HERC2: variants seen among roughly 807,000 people sequenced by gnomAD.
The protein encoded by HERC2 is E3 ubiquitin-protein ligase HERC2.
In HERC2, 102 loss-of-function variants were observed where a neutral mutation model predicts 537.7. That is an observed-to-expected ratio of 0.19 (90% CI 0.16 to 0.22). The LOEUF (loss-of-function observed/expected upper bound fraction) is 0.22. Among genes scored for constraint, HERC2 ranks in the 10% least tolerant of loss-of-function variants. The probability of loss-of-function intolerance (pLI) is 1.00; values close to 1 mark genes in which losing one functional copy is unlikely to be tolerated. For synonymous variants in HERC2, 2,224 were observed against 2,466.2 expected (o/e 0.90, Z 2.91); for missense variants, 4,236 against 6,198.2 (o/e 0.68, Z 10.63).
intron 64 of HERC2, among the ~76,000 whole-genome samples, chr15:28,175,008 T>C (rs193019282): frequency 4.5e-4 from 68 of 152,214 alleles, no homozygotes; most frequent in Non-Finnish European, 7.1e-4. Flanking sequence ...CTTATAGAAT[T>C]ATAAAGTAAA....
In HERC2 at chr15:28,217,871, G is replaced by A. The variant is rs542935340; in HGVS notation, c.6028+618C>T. On this transcript the variant is annotated intron_variant, in intron 38 of 92. Transcript: ENST00000261609. The stretch of plus-strand genomic sequence containing the variant: ...CTGGAGCTCCCAGAAGCTGGACAAA[G>A]TAAGGAAGGACCTTCCCCTAGAGCC... Among the ~76,000 whole-genome samples, 299 of 152,084 alleles carry A rather than the reference G, an allele frequency of 2.0e-3. 2 individuals are homozygous for A. Among genetic ancestry groups the A allele is most frequent in the Admixed American group, 5.8e-3 (89 of 15,286 alleles).
chr15:28,223,505 G>A (rs151192877), intron 35 of HERC2, among the ~76,000 whole-genome samples: 2,792 of 152,148 alleles, frequency 0.018, 81 homozygotes, highest in African/African-American at 0.064. Context: ...TAGCCTAGCC[G>A]CTACTTTAGG....
chr15:28,184,205 T>A (rs1896085012), intron 56 of HERC2, among the ~76,000 whole-genome samples: 1 of 152,104 alleles, frequency 6.6e-6, no homozygotes, highest in African/African-American at 2.4e-5. Flanking sequence ...TATATATATA[T>A]TTTCCATACA....
At chr15:28,307,959 AG>A (rs1159527257) in intron 2 of HERC2, among the ~76,000 whole-genome samples, 1 of 152,156 alleles carries the variant, frequency 6.6e-6, no homozygotes. Flanking sequence ...ATAGCTCTGT[AG>A]TATAATTTGA....
intron 18 of HERC2, 26 bp from the exon 19 acceptor site, chr15:28,256,022 T>G: frequency 6.2e-7 from 1 of 1,605,218 alleles, no homozygotes; most frequent in South Asian, 1.1e-5. Flanking sequence ...TGTGCCAATT[T>G]GAGTGAAACG....
intron 2 of HERC2, among the ~76,000 whole-genome samples, chr15:28,306,142 G>C (rs1407770078): frequency 2.0e-5 from 3 of 152,194 alleles, no homozygotes; most frequent in Admixed American, 2.0e-4. Context: ...TCCGTGTCTT[G>C]TTCCAGATCT....
chr15:28,243,493 T>C (rs1326631414), intron 23 of HERC2, among the ~76,000 whole-genome samples: 1 of 152,072 alleles, frequency 6.6e-6, no homozygotes, highest in African/African-American at 2.4e-5. Context: ...CAAAAGTTCA[T>C]ATCCCAAATA....
chr15:28,216,555 C>T (rs1358573946), intron 38 of HERC2, among the ~76,000 whole-genome samples: 18 of 148,814 alleles, frequency 1.2e-4, no homozygotes, highest in African/African-American at 4.5e-4. Context: ...CCACCTCCCC[C>T]ACCCTGCCCT....
intron 4 of HERC2, among the ~76,000 whole-genome samples, chr15:28,291,465 C>T (rs149831257): frequency 6.6e-4 from 101 of 152,058 alleles, no homozygotes; most frequent in African/African-American, 2.2e-3. Context: ...ATATCCACAC[C>T]GAAGGGATAA....
chr15:28,297,655 C>T (rs557748827), intron 3 of HERC2, among the ~76,000 whole-genome samples: 1 of 152,168 alleles, frequency 6.6e-6, no homozygotes, highest in Non-Finnish European at 1.5e-5. Context: ...CTAGAACAGG[C>T]GCAATTTGTC....
intron 45 of HERC2, among the ~76,000 whole-genome samples, chr15:28,205,268 G>A (rs1322313203): frequency 1.4e-5 from 1 of 72,676 alleles, no homozygotes; most frequent in Non-Finnish European, 3.0e-5. Flanking sequence ...GTTCACACTC[G>A]GCATCTCCCA....
In HERC2 at chr15:28,280,224, T is replaced by C. The variant is rs1283686027; in HGVS notation, c.386A>G (p.Gln129Arg). The change falls in exon 5 of 93, where the codon CAG (glutamine) becomes CGG (arginine). Residue 129 changes from glutamine to arginine, a missense_variant. Coordinates refer to ENST00000261609, the MANE Select transcript of HERC2 (RefSeq NM_004667.6). The stretch of plus-strand genomic sequence containing the variant: ...GGCTGAGAGGGTGGTGGTGGCTGAC[T>C]GGACGGCCAGGGCCTGCTGCTCTTT... ...LVKEQQALAV[Q>R]SATTTLSALR... 6.2e-7 allele frequency: 1 copy of C among 1,614,054 alleles called. No individual in the cohort carries two copies. Among genetic ancestry groups the C allele is most frequent in the Non-Finnish European group, 8.5e-7 (1 of 1,180,008 alleles).
intron 38 of HERC2, among the ~76,000 whole-genome samples, chr15:28,217,531 G>A (rs2525905): frequency 1.3e-5 from 2 of 149,120 alleles, no homozygotes; most frequent in Non-Finnish European, 3.0e-5. Flanking sequence ...GTGCTCACTC[G>A]CAGTCACATG....
At chr15:28,145,559 T>A (rs1891649428) in intron 71 of HERC2, among the ~76,000 whole-genome samples, 1 of 152,220 alleles carries the variant, frequency 6.6e-6, no homozygotes, top group Non-Finnish European at 1.5e-5. Context: ...TTTACTTAAC[T>A]AAGTAACACT....
rs1290128255 is a variant in HERC2, at chr15:28,274,276, A to C, written c.800+15T>G. 6.2e-7 allele frequency: 1 copy of C among 1,613,506 alleles called. No homozygotes were observed. The highest frequency in any genetic ancestry group is 8.5e-7 in the Non-Finnish European group (1 of 1,179,622). On this transcript the variant is annotated intron_variant, in intron 7 of 92. Coordinates refer to ENST00000261609, the MANE Select transcript of HERC2 (RefSeq NM_004667.6). The stretch of plus-strand genomic sequence containing the variant: ...AGCTGTCTGCGTGCAGAAGGCAAGA[A>C]AGGAAAGAACTCACCCCGTCACGAC...
intron 38 of HERC2, among the ~76,000 whole-genome samples, chr15:28,216,551 C>T (rs1303191194): frequency 1.4e-5 from 2 of 147,620 alleles, no homozygotes; most frequent in African/African-American, 2.5e-5. Flanking sequence ...CCTCCCACCT[C>T]CCCCACCCTG....
At chr15:28,296,232 T>C (rs747093276) in intron 3 of HERC2, among the ~76,000 whole-genome samples, 1 of 152,036 alleles carries the variant, frequency 6.6e-6, no homozygotes, top group South Asian at 2.1e-4. Context: ...ACCCCACACT[T>C]TGGGAGGCCG....
In HERC2 at chr15:28,143,878, C is replaced by T. The variant is rs774624980; in HGVS notation, c.11413G>A (p.Ala3805Thr). 3 of 1,614,132 alleles carry T rather than the reference C, an allele frequency of 1.9e-6. No homozygotes were observed. Among genetic ancestry groups the T allele is most frequent in the Non-Finnish European group, 2.5e-6 (3 of 1,180,032 alleles). Residue 3805 changes from alanine (A) to threonine (T), a missense_variant, in exon 74 of 93, where the codon GCT (alanine) becomes ACT (threonine). Ala to Thr is a moderately conservative substitution (Grantham distance 58). Coordinates refer to ENST00000261609, the MANE Select transcript of HERC2 (RefSeq NM_004667.6). ...TGTACTAGAATGCTCCATACCAAAG[C>T]TCTTGTTTCCCCATCATTTTCTCCA... Reference protein sequence around the residue: ...LLGENDGETRALSFTGSALAA... With the variant: ...LLGENDGETRTLSFTGSALAA...
Position 28,229,550 on chromosome 15 carries a change from T to G in HERC2, c.5030A>C (p.Lys1677Thr), listed in dbSNP as rs548391736. Residue 1677 changes from lysine (K) to threonine (T), a missense_variant, in exon 33 of 93, where the codon AAA (lysine) becomes ACA (threonine). This residue lies in a region of HERC2 where 343 missense variants were observed against 417.2 expected (regional missense o/e 0.82). Transcript: ENST00000261609. ...AAGTAAGAAATTCTTGCTCGCCAGTTTTAAAATTGTATCTATCCCTTCCAG... is the reference window on the plus strand; with the variant it reads ...AAGTAAGAAATTCTTGCTCGCCAGTGTTAAAATTGTATCTATCCCTTCCAG... ...VRLEGIDTILKLASKNFLLPS... is the reference protein window; with the variant it reads ...VRLEGIDTILTLASKNFLLPS... The G allele has an allele frequency of 6.2e-7, 1 of 1,613,674 alleles. No individual in the cohort carries two copies. The highest frequency in any genetic ancestry group is 8.5e-7 in the Non-Finnish European group (1 of 1,179,836).
Sources: allele counts gnomAD v4.1 joint callset (sites outside exome capture counted in the v4.1 genomes callset), GRCh38; gene constraint gnomAD v4.1.1; regional missense constraint gnomAD v4.1.1; transcripts MANE v1.5; gene names NCBI Gene and HGNC (gene_info 2026-07-23, HGNC 2026-07-21).